The following PLPPR5 variants were observed in gnomAD, a reference collection of about 807,000 sequenced individuals.
PLPPR5 encodes the protein phospholipid phosphatase-related protein type 5.
Under a neutral mutation model 33.9 loss-of-function variants are expected in PLPPR5, and 16 were observed. That is an observed-to-expected ratio of 0.47 (90% CI 0.32 to 0.72). PLPPR5 has a LOEUF of 0.72. Among genes scored for constraint, PLPPR5 ranks in the 30% least tolerant of loss-of-function variants. The probability of loss-of-function intolerance (pLI) is 0.03; values close to 1 mark genes in which losing one functional copy is unlikely to be tolerated. For synonymous variants in PLPPR5, 163 were observed against 150.3 expected (o/e 1.08, Z -0.62); for missense variants, 301 against 406.7 (o/e 0.74, Z 2.23).
intron 4 of PLPPR5, among the ~76,000 whole-genome samples, chr1:98,919,300 A>G (rs148293635): frequency 4.7e-4 from 72 of 152,332 alleles, no homozygotes; most frequent in African/African-American, 1.7e-3. Context: ...GGAATGAAAC[A>G]GGAGAATGAG....
intron 5 of PLPPR5, among the ~76,000 whole-genome samples, chr1:98,900,759 T>C (rs1648668430): frequency 6.6e-6 from 1 of 152,178 alleles, no homozygotes; most frequent in Non-Finnish European, 1.5e-5. Context: ...AAGTGCATGA[T>C]AAATTCTTGT....
intron 3 of PLPPR5, among the ~76,000 whole-genome samples, chr1:98,952,262 C>CAAAAAAAAAAAAAAAAAAAA (rs779701945): frequency 1.8e-5 from 2 of 113,078 alleles, no homozygotes; most frequent in African/African-American, 6.3e-5. Flanking sequence ...GACTCCGTCT[C>CAAAAAAAAAAAAAAAAAAAA]AGAAAAAAAA....
chr1:98,957,937 C>T (rs1187200256), intron 1 of PLPPR5, among the ~76,000 whole-genome samples: 1 of 152,168 alleles, frequency 6.6e-6, no homozygotes, highest in Non-Finnish European at 1.5e-5. Context: ...TCCTCAAAAT[C>T]ACCTAGTAAG....
chr1:98,920,376 A>AT (rs1400918453), intron 4 of PLPPR5, among the ~76,000 whole-genome samples: 1 of 142,256 alleles, frequency 7.0e-6, no homozygotes, highest in African/African-American at 2.7e-5. Flanking sequence ...TGCCTATACT[A>AT]TTTTTTAAGG....
intron 5 of PLPPR5, among the ~76,000 whole-genome samples, chr1:98,895,647 T>C (rs1648444652): frequency 1.3e-5 from 2 of 152,070 alleles, no homozygotes; most frequent in South Asian, 2.1e-4. Context: ...GATTTCTAGA[T>C]TGACTATATT....
At chr1:98,906,979 A>T (rs1289985286) in intron 5 of PLPPR5, among the ~76,000 whole-genome samples, 1 of 151,978 alleles carries the variant, frequency 6.6e-6, no homozygotes, top group Non-Finnish European at 1.5e-5. Context: ...TTATTATAAA[A>T]CCTGTCAGTA....
intron 5 of PLPPR5, among the ~76,000 whole-genome samples, chr1:98,903,955 C>T (rs912780458): frequency 6.6e-6 from 1 of 152,128 alleles, no homozygotes; most frequent in Non-Finnish European, 1.5e-5. Flanking sequence ...AAGAGTCAAT[C>T]AATGTAAAGT....
At chr1:98,958,073 C>G (rs1651080715) in intron 1 of PLPPR5, among the ~76,000 whole-genome samples, 1 of 152,166 alleles carries the variant, frequency 6.6e-6, no homozygotes, top group African/African-American at 2.4e-5. Flanking sequence ...ATACTATGAA[C>G]AACAGCATGA....
chr1:99,002,845 C>T (rs911132629), intron 1 of PLPPR5, among the ~76,000 whole-genome samples: 1 of 151,818 alleles, frequency 6.6e-6, no homozygotes, highest in Non-Finnish European at 1.5e-5. Flanking sequence ...ACAGGCTCTT[C>T]CTTTTTCTTT....
intron 4 of PLPPR5, among the ~76,000 whole-genome samples, chr1:98,918,385 A>T (rs1649435650): frequency 6.6e-6 from 1 of 152,332 alleles, no homozygotes; most frequent in African/African-American, 2.4e-5. Context: ...GTTGTATATG[A>T]TAACATGACA....
At chr1:98,965,100 A>G (rs1651388587) in intron 1 of PLPPR5, among the ~76,000 whole-genome samples, 4 of 151,012 alleles carry the variant, frequency 2.6e-5, no homozygotes, top group African/African-American at 9.8e-5. Context: ...GGCATGAACC[A>G]CTGCACCTGG....
chr1:98,964,419 G>T (rs1014147258), intron 1 of PLPPR5, among the ~76,000 whole-genome samples: 3 of 152,072 alleles, frequency 2.0e-5, no homozygotes, highest in Non-Finnish European at 4.4e-5. Flanking sequence ...GCCTCCCATG[G>T]ATCAGCCTTT....
intron 1 of PLPPR5, among the ~76,000 whole-genome samples, chr1:99,000,481 T>C (rs1224844012): frequency 6.6e-6 from 1 of 152,198 alleles, no homozygotes; most frequent in Non-Finnish European, 1.5e-5. Context: ...TTCAGATGTA[T>C]ACGCCATTTT....
chr1:98,952,579 G>T (rs1650832003), intron 3 of PLPPR5, among the ~76,000 whole-genome samples: 1 of 152,188 alleles, frequency 6.6e-6, no homozygotes, highest in South Asian at 2.1e-4. Context: ...AGGACACTTT[G>T]GTTAGTTCTA....
chr1:99,003,332 A>G (rs564771381), intron 1 of PLPPR5, among the ~76,000 whole-genome samples: 157 of 151,910 alleles, frequency 1.0e-3, no homozygotes, highest in Non-Finnish European at 1.8e-3. Context: ...AATGGATTCA[A>G]CAGACATTCT....
intron 5 of PLPPR5, among the ~76,000 whole-genome samples, chr1:98,902,915 C>T (rs1334953359): frequency 6.6e-6 from 1 of 151,950 alleles, no homozygotes; most frequent in African/African-American, 2.4e-5. Flanking sequence ...TTATAAAAGG[C>T]CTGTTAGATA....
chr1:98,912,294 G>T (rs1487876207), intron 5 of PLPPR5, among the ~76,000 whole-genome samples: 1 of 152,130 alleles, frequency 6.6e-6, no homozygotes, highest in Non-Finnish European at 1.5e-5. Flanking sequence ...ATTATAATAG[G>T]ATATTAGCTA....
At chr1:98,901,655 T>G (rs1383831) in intron 5 of PLPPR5, among the ~76,000 whole-genome samples, 127,552 of 152,016 alleles carry the variant, frequency 0.84, 53,681 homozygotes, top group Non-Finnish European at 0.86. Flanking sequence ...ATTTATTTTT[T>G]GCCTATAAGA....
chr1:98,926,467 T>A (rs1400194076), intron 3 of PLPPR5, among the ~76,000 whole-genome samples: 1 of 148,586 alleles, frequency 6.7e-6, no homozygotes, highest in African/African-American at 2.4e-5. Context: ...TGTGTGTGTG[T>A]GTGTGTGTGT....
Sources: allele counts gnomAD v4.1 joint callset (sites outside exome capture counted in the v4.1 genomes callset), GRCh38; gene constraint gnomAD v4.1.1; transcripts MANE v1.5; gene names NCBI Gene and HGNC (gene_info 2026-07-23, HGNC 2026-07-21).